Variants in KLF12 observed in about 807,000 individuals in gnomAD.
KLF12 encodes the protein KLF transcription factor 12, also known as Krueppel-like factor 12.
Under a neutral mutation model 37.8 loss-of-function variants are expected in KLF12, and 9 were observed. The ratio of observed to expected loss-of-function variants is 0.24; its 90% confidence interval spans 0.14 to 0.42. KLF12 has a LOEUF of 0.42. Ranked by LOEUF, KLF12 falls within the 10% of genes least tolerant of loss-of-function variation. The pLI is 1.00. For missense variants in KLF12, 411 were observed against 516.0 expected (o/e 0.80, Z 1.97); for synonymous variants, 208 against 202.1 (o/e 1.03, Z -0.25).
chr13:74,167,694 G>A, the KLF12 span, among the ~76,000 whole-genome samples: 104 of 152,258 alleles, frequency 6.8e-4, no homozygotes, highest in Non-Finnish European at 1.0e-3. Flanking sequence ...ACTTAATCTC[G>A]TGTTTAATTT....
intron 4 of KLF12, among the ~76,000 whole-genome samples, chr13:73,826,163 C>T (rs1392803727): frequency 7.9e-5 from 12 of 151,774 alleles, no homozygotes; most frequent in African/African-American, 2.4e-4. Flanking sequence ...TTAGTAGAGA[C>T]GGGGTTTCAC....
At chr13:74,158,180 C>T in the KLF12 span, among the ~76,000 whole-genome samples, 1 of 152,152 alleles carries the variant, frequency 6.6e-6, no homozygotes, top group Non-Finnish European at 1.5e-5. Context: ...GGGTGGTCCG[C>T]ATAGGTCCGC....
intron 7 of KLF12, among the ~76,000 whole-genome samples, chr13:73,715,110 T>C (rs890862724): frequency 6.6e-6 from 1 of 152,182 alleles, no homozygotes; most frequent in African/African-American, 2.4e-5. Context: ...ATAGCCTATA[T>C]AATGATTAAG....
chr13:73,794,742 A>G (rs1881869336), intron 5 of KLF12, among the ~76,000 whole-genome samples: 1 of 152,108 alleles, frequency 6.6e-6, no homozygotes, highest in Admixed American at 6.5e-5. Flanking sequence ...ACCATCTTCA[A>G]TTACCCTATA....
chr13:74,295,853 G>A, the KLF12 span, among the ~76,000 whole-genome samples: 10 of 151,696 alleles, frequency 6.6e-5, no homozygotes, highest in East Asian at 3.9e-4. Flanking sequence ...TCACTATGTC[G>A]CCCAGGCTGG....
chr13:74,269,641 G>T, the KLF12 span, among the ~76,000 whole-genome samples: 4 of 152,200 alleles, frequency 2.6e-5, no homozygotes, highest in African/African-American at 9.7e-5. Flanking sequence ...ATTTTAATTA[G>T]TGAAGGAGTT....
intron 1 of KLF12, among the ~76,000 whole-genome samples, chr13:74,025,317 A>C (rs1892946807): frequency 7.8e-6 from 1 of 127,986 alleles, no homozygotes; most frequent in Non-Finnish European, 1.7e-5. Flanking sequence ...ATAATTCTAC[A>C]AAAAAAAAAA....
chr13:73,792,917 T>C (rs2138280132), intron 5 of KLF12, among the ~76,000 whole-genome samples: 1 of 152,328 alleles, frequency 6.6e-6, no homozygotes, highest in South Asian at 2.1e-4. Flanking sequence ...ATACAAGTGA[T>C]TGCCAGGCTG....
the KLF12 span, among the ~76,000 whole-genome samples, chr13:74,254,817 T>C: frequency 1.3e-5 from 2 of 152,186 alleles, no homozygotes; most frequent in African/African-American, 4.8e-5. Flanking sequence ...TGTTTATTTC[T>C]CTTTTGTTGT....
At chr13:74,111,327 T>A (rs377761561) in intron 1 of KLF12, among the ~76,000 whole-genome samples, 1 of 152,150 alleles carries the variant, frequency 6.6e-6, no homozygotes, top group African/African-American at 2.4e-5. Context: ...AAGACAACTT[T>A]TGAAATATTC....
At chr13:74,130,616 C>T (rs537665896) in intron 1 of KLF12, among the ~76,000 whole-genome samples, 61 of 150,148 alleles carry the variant, frequency 4.1e-4, no homozygotes, top group Non-Finnish European at 7.7e-4. Flanking sequence ...ACTGCAGTCC[C>T]GCCTGGGTGA....
intron 3 of KLF12, among the ~76,000 whole-genome samples, chr13:73,854,534 C>A (rs1006432190): frequency 4.6e-5 from 7 of 152,172 alleles, no homozygotes; most frequent in Non-Finnish European, 7.3e-5. Context: ...AAAACTGTAA[C>A]CTTTTTATGT....
At chr13:74,277,529 A>T in the KLF12 span, among the ~76,000 whole-genome samples, 5 of 152,228 alleles carry the variant, frequency 3.3e-5, no homozygotes, top group Non-Finnish European at 7.3e-5. Context: ...AGTAGCTGCC[A>T]TCAGTGATAC....
the KLF12 span, among the ~76,000 whole-genome samples, chr13:74,164,182 C>T: frequency 6.6e-6 from 1 of 152,110 alleles, no homozygotes; most frequent in Admixed American, 6.5e-5. Context: ...CAAATGATCA[C>T]AGACAGATCA....
At chr13:73,916,665 T>C (rs192829995) in intron 3 of KLF12, among the ~76,000 whole-genome samples, 43 of 152,212 alleles carry the variant, frequency 2.8e-4, no homozygotes, top group Non-Finnish European at 4.7e-4. Context: ...AATGTTATGA[T>C]GAATTAGCCA....
the KLF12 span, among the ~76,000 whole-genome samples, chr13:74,164,171 T>C: frequency 6.6e-6 from 1 of 152,144 alleles, no homozygotes; most frequent in Admixed American, 6.5e-5. Flanking sequence ...CACTGTCTAG[T>C]CAAATGATCA....
At chr13:74,095,843 T>C (rs1875953175) in intron 1 of KLF12, among the ~76,000 whole-genome samples, 1 of 152,204 alleles carries the variant, frequency 6.6e-6, no homozygotes, top group African/African-American at 2.4e-5. Context: ...AGCCCCAAAT[T>C]TGTTGAGCCC....
At chr13:74,064,555 C>T (rs751295696) in intron 1 of KLF12, among the ~76,000 whole-genome samples, 14 of 152,122 alleles carry the variant, frequency 9.2e-5, no homozygotes, top group Non-Finnish European at 2.1e-4. Context: ...TAACCAGGGA[C>T]ATTTTGGACA....
intron 5 of KLF12, among the ~76,000 whole-genome samples, chr13:73,783,521 T>TG (rs1463968925): frequency 6.6e-6 from 1 of 152,134 alleles, no homozygotes; most frequent in East Asian, 1.9e-4. Flanking sequence ...TTTGAGATGA[T>TG]GGATATCCTA....
Sources: gnomAD v4.1 joint callset for allele counts (sites outside exome capture counted in the v4.1 genomes callset) on GRCh38, gnomAD v4.1.1 for gene constraint, MANE v1.5 for transcripts, NCBI Gene and HGNC (gene_info 2026-07-23, HGNC 2026-07-21) for gene names.